Variants in PEX14 observed in about 807,000 individuals in gnomAD.
The protein encoded by PEX14 is peroxisomal biogenesis factor 14.
Under a neutral mutation model 49.5 loss-of-function variants are expected in PEX14, and 15 were observed. That is an observed-to-expected ratio of 0.30 (90% CI 0.20 to 0.47). The LOEUF is 0.47. PEX14 is among the 20% of genes least tolerant of loss of function. The probability of loss-of-function intolerance (pLI) is 1.00; values close to 1 mark genes in which losing one functional copy is unlikely to be tolerated. For synonymous variants in PEX14, 210 were observed against 212.7 expected (o/e 0.99, Z 0.11); for missense variants, 398 against 494.8 (o/e 0.80, Z 1.86).
At chr1:10,482,245 C>T (rs1201159494) in intron 1 of PEX14, among the ~76,000 whole-genome samples, 1 of 152,124 alleles carries the variant, frequency 6.6e-6, no homozygotes, top group Non-Finnish European at 1.5e-5. Context: ...TCTTCTGCCT[C>T]AGCCTCCTGA....
chr1:10,627,466 A>G, intron 8 of PEX14, 103 bp downstream of exon 8: 1 of 827,070 alleles, frequency 1.2e-6, no homozygotes, highest in Non-Finnish European at 2.1e-6. Context: ...ACCCCCAAGG[A>G]CCCCATCTGT....
intron 2 of PEX14, among the ~76,000 whole-genome samples, chr1:10,517,667 C>A (rs1203990561): frequency 2.9e-5 from 3 of 104,056 alleles, no homozygotes; most frequent in African/African-American, 1.0e-4. Flanking sequence ...TTTTTTTTTT[C>A]TAAATGGGAA....
chr1:10,524,188 T>TTTAA (rs1425096457), intron 2 of PEX14, among the ~76,000 whole-genome samples: 1 of 152,166 alleles, frequency 6.6e-6, no homozygotes, highest in Admixed American at 6.5e-5. Context: ...TGTCCATGTG[T>TTTAA]TTAAACAGGC....
intron 3 of PEX14, among the ~76,000 whole-genome samples, chr1:10,587,920 T>TAAAAAA (rs1290613528): frequency 6.2e-5 from 4 of 64,074 alleles, no homozygotes; most frequent in African/African-American, 2.7e-4. Context: ...TTTTTTTTTT[T>TAAAAAA]AAAAAAAAAA....
intron 2 of PEX14, among the ~76,000 whole-genome samples, chr1:10,520,148 C>CTTTTTTTTTTTTTTTTTTTTTTTTTTTT (rs565247030): frequency 4.3e-5 from 3 of 69,180 alleles, no homozygotes; most frequent in Admixed American, 1.7e-4. Flanking sequence ...CCTTCTTCTT[C>CTTTTTTTTTTTTTTTTTTTTTTTTTTTT]TTTTTTTTTT....
chr1:10,587,895 CTT>C (rs762006360), intron 3 of PEX14, among the ~76,000 whole-genome samples: 930 of 54,342 alleles, frequency 0.017, 22 homozygotes, highest in African/African-American at 0.047. Context: ...CACACATGTG[CTT>C]TTTTTTTTTT....
chr1:10,625,181 G>C (rs1340513320), intron 7 of PEX14, among the ~76,000 whole-genome samples: 1 of 152,206 alleles, frequency 6.6e-6, no homozygotes, highest in Non-Finnish European at 1.5e-5. Context: ...GCTCCAGCCA[G>C]CTCGCAGGAT....
intron 2 of PEX14, among the ~76,000 whole-genome samples, chr1:10,500,931 A>G (rs74810178): frequency 0.15 from 22,280 of 152,244 alleles, 2,029 homozygotes; most frequent in South Asian, 0.32. Context: ...GCACTCATGT[A>G]TGCATGTGTA....
chr1:10,616,964 A>C (rs1313232038), intron 4 of PEX14: 2 of 151,842 alleles, frequency 1.3e-5, no homozygotes, highest in African/African-American at 4.8e-5. Context: ...GTTCTGCATC[A>C]ATATGGTGAC....
intron 3 of PEX14, among the ~76,000 whole-genome samples, chr1:10,541,801 C>T (rs1283172825): frequency 6.6e-6 from 1 of 152,158 alleles, no homozygotes; most frequent in Non-Finnish European, 1.5e-5. Flanking sequence ...CTAGGCCAGC[C>T]GAATGTTGTA....
intron 3 of PEX14, among the ~76,000 whole-genome samples, chr1:10,538,275 G>C (rs1341410961): frequency 6.6e-6 from 1 of 152,218 alleles, no homozygotes; most frequent in Admixed American, 6.5e-5. Context: ...TAAGAGGGTG[G>C]CACATGAGCA....
At chr1:10,606,693 GT>G (rs1368005453) in intron 4 of PEX14, among the ~76,000 whole-genome samples, 1 of 152,176 alleles carries the variant, frequency 6.6e-6, no homozygotes, top group East Asian at 1.9e-4. Context: ...TACAGGGTAT[GT>G]TTTTTAAAGT....
At chr1:10,586,204 TAAAC>T (rs1435578450) in intron 3 of PEX14, among the ~76,000 whole-genome samples, 6 of 152,192 alleles carry the variant, frequency 3.9e-5, no homozygotes, top group Non-Finnish European at 7.3e-5. Flanking sequence ...ATGAAGATGA[TAAAC>T]AAACAAAAAG....
chr1:10,530,191 A>G (rs1312608581), intron 2 of PEX14, among the ~76,000 whole-genome samples: 1 of 152,238 alleles, frequency 6.6e-6, no homozygotes, highest in East Asian at 1.9e-4. Flanking sequence ...AAGGGGAAAG[A>G]GTACAAAAAA....
intron 8 of PEX14, 120 bp downstream of exon 8, chr1:10,627,483 G>A (rs547269649): frequency 1.1e-5 from 8 of 745,412 alleles, no homozygotes; most frequent in Admixed American, 1.0e-4. Context: ...CTGTCTGGGC[G>A]ACTCAGGCAC....
chr1:10,564,595 C>CTTT (rs58926587), intron 3 of PEX14, among the ~76,000 whole-genome samples: 1 of 107,140 alleles, frequency 9.3e-6, no homozygotes, highest in Non-Finnish European at 2.0e-5. Flanking sequence ...CTTTTTCTTT[C>CTTT]TTTTTTTTTT....
Position 10,474,975 on chromosome 1 carries a change from C to T in PEX14, c.9C>T (p.Ser3=), listed in dbSNP as rs1476050374. The change falls in exon 1 of 9, where the codon TCC becomes TCT. Residue 3 remains serine (S), a synonymous_variant. Transcript: ENST00000356607. ...AGTCAGGCCTCAGAAAGATGGCGTC[C>T]TCGGAGCAGGCAGAGCAGCCGAGCC... MA[S]SEQAEQPSQP... is the part of the protein sequence containing the mutation. 22 of 1,609,110 alleles carry T rather than the reference C, an allele frequency of 1.4e-5. No homozygotes were observed. The highest frequency in any genetic ancestry group is 3.4e-5 in the Admixed American group (2 of 59,494).
chr1:10,508,614 C>T (rs1021872277), intron 2 of PEX14, among the ~76,000 whole-genome samples: 44 of 152,228 alleles, frequency 2.9e-4, no homozygotes, highest in African/African-American at 1.0e-3. Context: ...CCTCTGAATG[C>T]TCCTGCCTGC....
intron 2 of PEX14, among the ~76,000 whole-genome samples, chr1:10,507,576 G>T (rs1399486060): frequency 6.6e-6 from 1 of 152,192 alleles, no homozygotes; most frequent in African/African-American, 2.4e-5. Flanking sequence ...CTTTTCATGT[G>T]ATGTCTATAT....
Sources: gnomAD v4.1 joint callset for allele counts (sites outside exome capture counted in the v4.1 genomes callset) on GRCh38, gnomAD v4.1.1 for gene constraint, MANE v1.5 for transcripts, NCBI Gene and HGNC (gene_info 2026-07-23, HGNC 2026-07-21) for gene names.